DOK7: variants seen among roughly 807,000 people sequenced by gnomAD.
DOK7 encodes protein Dok-7.
In DOK7, 32 loss-of-function variants were observed where a neutral mutation model predicts 30.7. The ratio of observed to expected loss-of-function variants is 1.04; its 90% CI spans 0.79 to 1.40. The LOEUF (loss-of-function observed/expected upper bound fraction) is 1.40, where lower values mean the gene tolerates loss of function less well. Ranked by LOEUF, DOK7 falls within the 40% of genes most tolerant of loss-of-function variation. The pLI, the probability that DOK7 is intolerant of heterozygous loss-of-function variation, is 0.00. For synonymous variants in DOK7, 447 were observed against 324.1 expected, an observed-to-expected ratio of 1.38 and a Z score of -4.07; for missense variants, 1,007 against 699.2, an observed-to-expected ratio of 1.44 and a Z score of -4.97.
exon 7 of DOK7, chr4:3,500,371 T>C (rs981829036): frequency 7.8e-6 from 12 of 1,535,730 alleles, no homozygotes; most frequent in Admixed American, 2.0e-5. Context: ...TACATGGGCC[T>C]GGAGCTCCAG....
At chr4:3,478,940 C>T (rs888798663) in intron 4 of DOK7, among the ~76,000 whole-genome samples, 21 of 152,206 alleles carry the variant, frequency 1.4e-4, no homozygotes, top group African/African-American at 5.1e-4. Context: ...GTGTGGGCAG[C>T]CTGGGGCCTC....
Position 3,493,198 on chromosome 4 carries a change from C to G in DOK7, c.1212C>G (p.His404Gln). ...AGGTGCCCACCTCCCTGCGGGCCCA[C>G]TATGACACACCACGCAGCCTTTGCC... is the stretch of plus-strand genomic sequence containing the variant. ...EYQVPTSLRA[H>Q]YDTPRSLCLA... The change falls in exon 7 of 7, where the codon CAC becomes CAG. Residue 404 changes from histidine (H) to glutamine (Q), a missense_variant. By Grantham distance (24) the His-to-Gln change is conservative (BLOSUM62 0). Transcript: ENST00000340083. The G allele has an allele frequency of 6.2e-7, 1 of 1,611,568 alleles. No homozygotes were observed. Among genetic ancestry groups the G allele is most frequent in the Non-Finnish European group, 8.5e-7 (1 of 1,179,520 alleles).
intron 4 of DOK7, among the ~76,000 whole-genome samples, chr4:3,478,102 G>T (rs1270543661): frequency 6.6e-6 from 1 of 152,156 alleles, no homozygotes; most frequent in Non-Finnish European, 1.5e-5. Flanking sequence ...GGAGGAGGGG[G>T]ACCCATACCT....
Position 3,482,930 on chromosome 4 carries a change from G to A in DOK7, c.533-2609G>A, listed in dbSNP as rs182368767. ...GGTGGGGCTGAACCCCAGAGGAGGCGTCCGTGAGAGCACCACAGAGGGGCT... is the reference window on the plus strand; with the variant it reads ...GGTGGGGCTGAACCCCAGAGGAGGCATCCGTGAGAGCACCACAGAGGGGCT... On this transcript the variant is annotated intron_variant, in intron 4 of 6. Transcript: ENST00000340083. 3.8e-4 allele frequency among the ~76,000 whole-genome samples: 58 copies of A among 152,256 alleles called. 7 individuals carry two copies. The East Asian group carries it at 5.6e-3, about 15-fold the overall frequency.
At chr4:3,465,296 C>A (rs1421995439) in intron 2 of DOK7, among the ~76,000 whole-genome samples, 1 of 152,224 alleles carries the variant, frequency 6.6e-6, no homozygotes, top group African/African-American at 2.4e-5. Flanking sequence ...CCTGATGCCT[C>A]TTCCCCTGGC....
At chr4:3,499,673 G>C (rs890782196) in intron 6 of DOK7, among the ~76,000 whole-genome samples, 4 of 142,354 alleles carry the variant, frequency 2.8e-5, no homozygotes, top group Middle Eastern at 3.5e-3. Flanking sequence ...GCTCCTATGA[G>C]GGGGGAGAGG....
Position 3,493,740 on chromosome 4 carries a change from GC to G in DOK7, c.*243del. On this transcript the variant is annotated 3_prime_UTR_variant, in exon 7 of 7. Coordinates refer to ENST00000340083, the MANE Select transcript of DOK7 (RefSeq NM_173660.5). ...GGTCCGGCAGGTCGGGGTCACCAGA[GC>G]CCCAATGCTCAGCTGCTTCACTCCG... 1.4e-6 allele frequency: 2 copies of G among 1,420,798 alleles called. No homozygotes were observed. The highest frequency in any genetic ancestry group is 9.2e-7 in the Non-Finnish European group (1 of 1,091,824). The allele number at this position is 1,420,798 out of a possible 1,614,324, so 88.0% of individuals were successfully genotyped here.
Position 3,493,873 on chromosome 4 carries a change from G to A in DOK7, c.*372G>A. ...CCTGCCGCTGGCCTTGTCCTCCTTG[G>A]GCCTCACGCCCCCTTCGGGGGTGGC... is the stretch of plus-strand genomic sequence containing the variant. On this transcript the variant is annotated 3_prime_UTR_variant, in exon 7 of 7. Coordinates refer to ENST00000340083, the MANE Select transcript of DOK7 (RefSeq NM_173660.5). 1.8e-6 allele frequency: 2 copies of A among 1,126,942 alleles called. No individual in the cohort carries two copies. The highest frequency in any genetic ancestry group is 1.1e-6 in the Non-Finnish European group (1 of 919,990). 69.8% of individuals were successfully genotyped at this position (1,126,942 alleles called of 1,614,324 possible). A position where few individuals can be genotyped will look rare whatever the true frequency, so the allele number is the denominator to read the frequency against.
chr4:3,478,788 C>T (rs1446060095), intron 4 of DOK7, among the ~76,000 whole-genome samples: 5 of 152,164 alleles, frequency 3.3e-5, no homozygotes, highest in African/African-American at 1.2e-4. Context: ...GCAGGCCCTG[C>T]TGGGCTGTAT....
downstream of DOK7, among the ~76,000 whole-genome samples, chr4:3,494,898 C>T (rs948578970): frequency 6.6e-6 from 1 of 152,216 alleles, no homozygotes; most frequent in South Asian, 2.1e-4. Flanking sequence ...CACCCCTGCA[C>T]ATCTGTGTGG....
intron 6 of DOK7, among the ~76,000 whole-genome samples, chr4:3,490,540 C>T (rs1339180226): frequency 2.2e-5 from 2 of 89,910 alleles, no homozygotes; most frequent in African/African-American, 1.1e-4. Context: ...CTCATTCGTT[C>T]CTTCCTTCTC....
chr4:3,500,349 A>G (rs1439608786), exon 7 of DOK7: 1 of 1,535,662 alleles, frequency 6.5e-7, no homozygotes, highest in Non-Finnish European at 8.7e-7. Flanking sequence ...ATCCTCCAGA[A>G]AGCAGCTGCA....
chr4:3,492,306 C>G (rs887180444), intron 6 of DOK7, among the ~76,000 whole-genome samples: 10 of 151,854 alleles, frequency 6.6e-5, no homozygotes, highest in African/African-American at 2.2e-4. Context: ...CGTGTCCAGG[C>G]TGGCAGGGCC....
At chr4:3,495,404 G>C (rs954087405), downstream of DOK7, among the ~76,000 whole-genome samples, 2 of 152,356 alleles carry the variant, frequency 1.3e-5, no homozygotes, top group African/African-American at 4.8e-5. Flanking sequence ...CCCTCTGATG[G>C]GACCAGACTG....
At chr4:3,475,755 A>G (rs2109340652) in intron 3 of DOK7, among the ~76,000 whole-genome samples, 1 of 152,200 alleles carries the variant, frequency 6.6e-6, no homozygotes, top group South Asian at 2.1e-4. Context: ...ATGGAGCCAC[A>G]CAGCTGTGGA....
In DOK7 at chr4:3,463,314, T is replaced by C. The variant is rs1726057772; in HGVS notation, c.-62T>C. On this transcript the variant is annotated 5_prime_UTR_variant, in exon 1 of 7. Transcript: ENST00000340083. ...CCAGCCCAGGGCCCTGCGAGCTATTTTGAAAGTGACCCTGGGCTGGGGCGC... is the reference window on the plus strand; with the variant it reads ...CCAGCCCAGGGCCCTGCGAGCTATTCTGAAAGTGACCCTGGGCTGGGGCGC... 2 of 1,389,792 alleles carry C rather than the reference T, an allele frequency of 1.4e-6. No individual in the cohort carries two copies. The highest frequency in any genetic ancestry group is 1.5e-5 in the African/African-American group (1 of 66,194). The allele number at this position is 1,389,792 out of a possible 1,614,324, so 86.1% of individuals were successfully genotyped here. A position where few individuals can be genotyped will look rare whatever the true frequency, so the allele number is the denominator to read the frequency against.
Position 3,467,564 on chromosome 4 carries a change from CGTGT to C in DOK7, c.100+4023_100+4026del, listed in dbSNP as rs376864280. The stretch of plus-strand genomic sequence containing the variant: ...TGCAGGGGGAGCGTGTGTGCACGTG[CGTGT>C]GTGTGTGTGAGGATGTACATGTGCA... On this transcript the variant is annotated intron_variant, in intron 2 of 6. Coordinates refer to ENST00000340083, the MANE Select transcript of DOK7 (RefSeq NM_173660.5). Among the ~76,000 whole-genome samples, 169 of 150,754 alleles carry C rather than the reference CGTGT, an allele frequency of 1.1e-3. 3 individuals carry two copies. The highest frequency in any genetic ancestry group is 3.9e-3 in the African/African-American group (158 of 40,986).
chr4:3,479,904 G>C (rs914674014), intron 4 of DOK7, among the ~76,000 whole-genome samples: 2 of 152,234 alleles, frequency 1.3e-5, no homozygotes, highest in African/African-American at 4.8e-5. Context: ...AGCTTGGCCC[G>C]AGCGCACTTG....
intron 2 of DOK7, among the ~76,000 whole-genome samples, chr4:3,473,204 G>A (rs1287096923): frequency 2.0e-5 from 3 of 152,246 alleles, no homozygotes; most frequent in African/African-American, 4.8e-5. Context: ...GTTCATTTCC[G>A]CTCTTGCAGC....
Sources: allele counts gnomAD v4.1 joint callset (sites outside exome capture counted in the v4.1 genomes callset), GRCh38; gene constraint gnomAD v4.1.1; transcripts MANE v1.5; gene names NCBI Gene and HGNC (gene_info 2026-07-23, HGNC 2026-07-21).